PCDH7: variants seen among roughly 807,000 people sequenced by gnomAD.
The protein encoded by PCDH7 is protocadherin 7, also known as protocadherin-7.
In PCDH7, 17 loss-of-function variants were observed where a neutral mutation model predicts 58.9. The observed-to-expected ratio is 0.29, with a 90% CI of 0.20 to 0.43. The LOEUF (loss-of-function observed/expected upper bound fraction) is 0.43. Ranked by LOEUF, PCDH7 falls within the 20% of genes least tolerant of loss-of-function variation. The pLI is 1.00. For missense variants in PCDH7, 1,274 were observed against 1,441.0 expected, an observed-to-expected ratio of 0.88 and a Z score of 1.88; for synonymous variants, 664 against 616.4, an observed-to-expected ratio of 1.08 and a Z score of -1.14.
intron 3 of PCDH7, among the ~76,000 whole-genome samples, chr4:31,002,871 A>C (rs934690273): frequency 3.3e-5 from 5 of 152,182 alleles, no homozygotes; most frequent in African/African-American, 1.2e-4. Context: ...TCCCCTGCTG[A>C]GATCATAGCT....
intron 3 of PCDH7, among the ~76,000 whole-genome samples, chr4:31,120,806 A>T (rs962354389): frequency 6.6e-6 from 1 of 152,162 alleles, no homozygotes; most frequent in African/African-American, 2.4e-5. Flanking sequence ...TGTCTAGATT[A>T]GCTAGTTGAA....
intron 1 of PCDH7, among the ~76,000 whole-genome samples, chr4:30,726,828 C>T (rs898644980): frequency 6.6e-6 from 1 of 151,950 alleles, no homozygotes; most frequent in Non-Finnish European, 1.5e-5. Flanking sequence ...GTTTCATCTC[C>T]TCAATATTGC....
intron 2 of PCDH7, among the ~76,000 whole-genome samples, chr4:30,928,557 T>C (rs1744182717): frequency 6.6e-6 from 1 of 152,180 alleles, no homozygotes; most frequent in African/African-American, 2.4e-5. Context: ...GCTCAAGAGA[T>C]ACAACCTTGA....
chr4:30,946,109 T>C (rs1452697850), intron 2 of PCDH7, among the ~76,000 whole-genome samples: 2 of 152,106 alleles, frequency 1.3e-5, no homozygotes, highest in African/African-American at 4.8e-5. Flanking sequence ...AGACCCAGAA[T>C]GAAAATCTCT....
At chr4:31,139,020 G>T (rs1719945881) in intron 3 of PCDH7, among the ~76,000 whole-genome samples, 1 of 151,564 alleles carries the variant, frequency 6.6e-6, no homozygotes, top group Admixed American at 6.6e-5. Context: ...TTTCAAGAGA[G>T]ATATTAACCT....
At chr4:30,908,102 G>T (rs1027890323) in intron 1 of PCDH7, among the ~76,000 whole-genome samples, 2 of 152,038 alleles carry the variant, frequency 1.3e-5, no homozygotes, top group African/African-American at 2.4e-5. Flanking sequence ...CCGGTTCGGG[G>T]GTGAGGGGCT....
intron 2 of PCDH7, among the ~76,000 whole-genome samples, chr4:30,924,513 C>T (rs1743593969): frequency 6.6e-6 from 1 of 152,090 alleles, no homozygotes; most frequent in African/African-American, 2.4e-5. Context: ...TTTCTCTGAA[C>T]CCACACAGCA....
At chr4:30,894,859 T>C (rs1273504959) in intron 1 of PCDH7, among the ~76,000 whole-genome samples, 3 of 151,394 alleles carry the variant, frequency 2.0e-5, no homozygotes, top group Admixed American at 1.3e-4. Flanking sequence ...ATTCATTCTC[T>C]ATAAAACTGA....
intron 1 of PCDH7, among the ~76,000 whole-genome samples, chr4:30,865,483 A>G: frequency 6.6e-6 from 1 of 152,034 alleles, no homozygotes; most frequent in East Asian, 1.9e-4. Flanking sequence ...TGTTCACTGA[A>G]TCTCATGTGG....
chr4:31,105,654 TATA>T (rs1221441512), intron 3 of PCDH7, among the ~76,000 whole-genome samples: 1 of 152,096 alleles, frequency 6.6e-6, no homozygotes, highest in Non-Finnish European at 1.5e-5. Flanking sequence ...AACTTGGAGC[TATA>T]ATAAGTATTG....
chr4:30,843,146 C>T (rs1193313065), intron 1 of PCDH7, among the ~76,000 whole-genome samples: 4 of 150,900 alleles, frequency 2.7e-5, no homozygotes, highest in East Asian at 2.0e-4. Context: ...CTTATTTCTA[C>T]GAATCTTTTT....
chr4:31,068,621 C>T (rs921082998), intron 3 of PCDH7, among the ~76,000 whole-genome samples: 10 of 151,932 alleles, frequency 6.6e-5, no homozygotes, highest in African/African-American at 2.2e-4. Flanking sequence ...CAAGGTCACA[C>T]CTCAAATGAA....
intron 1 of PCDH7, among the ~76,000 whole-genome samples, chr4:30,912,286 A>G (rs1741878584): frequency 1.3e-5 from 2 of 152,278 alleles, no homozygotes; most frequent in East Asian, 1.9e-4. Context: ...AATCCTAAAT[A>G]TGTTTGTTCA....
chr4:30,897,761 A>ATT (rs1739636694), intron 1 of PCDH7, among the ~76,000 whole-genome samples: 1 of 152,210 alleles, frequency 6.6e-6, no homozygotes, highest in Non-Finnish European at 1.5e-5. Context: ...ATACAGGTTA[A>ATT]TATTGTAAAC....
intron 3 of PCDH7, among the ~76,000 whole-genome samples, chr4:30,961,272 CG>C (rs1433056001): frequency 1.3e-5 from 2 of 151,604 alleles, no homozygotes; most frequent in East Asian, 2.0e-4. Flanking sequence ...ACGCCGGGCA[CG>C]GTGGCTCATG....
chr4:30,910,396 A>G (rs926780160), intron 1 of PCDH7, among the ~76,000 whole-genome samples: 3 of 152,214 alleles, frequency 2.0e-5, no homozygotes, highest in Non-Finnish European at 4.4e-5. Context: ...ACAGAATGGG[A>G]GAAAATTTTT....
intron 2 of PCDH7, chr4:30,935,474 G>GA (rs1338910904): frequency 2.8e-5 from 6 of 212,910 alleles, no homozygotes; most frequent in Admixed American, 6.5e-5. Context: ...TGAAACTATA[G>GA]AAAAAGAAAA....
intron 1 of PCDH7, among the ~76,000 whole-genome samples, chr4:30,899,045 T>G (rs889023282): frequency 2.0e-5 from 3 of 152,138 alleles, no homozygotes; most frequent in African/African-American, 4.8e-5. Context: ...TAACTGAACT[T>G]TATGAAGTAA....
rs373005395 is a variant in PCDH7 at position 30,896,966 on chromosome 4, A to G, written c.71-23187A>G. ...GTCACCCAGGCTGGAGTGCAGTGGC[A>G]GGATCTCGGCTCACTGCAAGCTCTG... On this transcript the variant is annotated intron_variant, in intron 1 of 3. Transcript: ENST00000509759. Among the ~76,000 whole-genome samples the G allele has an allele frequency of 3.5e-4, 43 of 122,172 alleles. No individual in the cohort carries two copies. The East Asian group carries it at 0.012, about 33-fold the overall frequency. 80.1% of individuals were successfully genotyped at this position (122,172 alleles called of 152,430 possible).
Sources: allele counts gnomAD v4.1 joint callset (sites outside exome capture counted in the v4.1 genomes callset), GRCh38; gene constraint gnomAD v4.1.1; transcripts MANE v1.5; gene names NCBI Gene and HGNC (gene_info 2026-07-23, HGNC 2026-07-21).